The following MBNL2 variants were observed in gnomAD, a reference collection of about 807,000 sequenced individuals.
The protein encoded by MBNL2 is muscleblind-like protein 2.
A neutral mutation model predicts 41.9 loss-of-function variants in MBNL2; 17 were observed. The ratio of observed to expected loss-of-function variants is 0.41; its 90% CI spans 0.28 to 0.61. The LOEUF is 0.61. MBNL2 is among the 20% of genes least tolerant of loss of function. The probability of loss-of-function intolerance (pLI) is 0.35; values close to 1 mark genes in which losing one functional copy is unlikely to be tolerated. For missense variants in MBNL2, 336 were observed against 505.6 expected (o/e 0.66, Z 3.22); for synonymous variants, 195 against 182.9 (o/e 1.07, Z -0.53).
intron 2 of MBNL2, among the ~76,000 whole-genome samples, chr13:97,287,918 G>GTTTTTTTTTTTTTTTTTTTTT (rs11423615): frequency 8.0e-6 from 1 of 124,628 alleles, no homozygotes; most frequent in African/African-American, 3.5e-5. Flanking sequence ...CTAATTTTCT[G>GTTTTTTTTTTTTTTTTTTTTT]TTTTTTTTTT....
At position 97,334,148 on chromosome 13, in the gene MBNL2, C is replaced by CCACACACACACACACA. The variant is rs34820289; in HGVS notation, c.175-115_175-100dup. 58 of 547,416 alleles carry CCACACACACACACACA rather than the reference C, an allele frequency of 1.1e-4. No individual in the cohort carries two copies. The highest frequency in any genetic ancestry group is 4.4e-4 in the African/African-American group (22 of 49,660). The allele number at this position is 547,416 out of a possible 1,614,324, so 33.9% of individuals were successfully genotyped here. On this transcript the variant is annotated intron_variant, in intron 2 of 8. Coordinates refer to ENST00000679496, the MANE Select transcript of MBNL2 (RefSeq NM_001382683.1). This position sits in a 1 kb window ranked among gnomAD's most constrained non-coding sequence, Gnocchi z 5.3. ...AACACATGAGCATGCGCGCGCACAC[C>CCACACACACACACACA]CACACACACACACACACACACACAC...
At chr13:97,259,811 A>G (rs1385585138) in intron 1 of MBNL2, among the ~76,000 whole-genome samples, 2 of 152,194 alleles carry the variant, frequency 1.3e-5, no homozygotes, top group African/African-American at 4.8e-5. Context: ...AAAGATTTCA[A>G]ATCCCATCGA....
rs1337637546 is a variant in MBNL2, at chr13:97,321,275, G to C, written c.175-13001G>C. Among the ~76,000 whole-genome samples, 39 of 152,186 alleles carry C rather than the reference G, an allele frequency of 2.6e-4. 1 individual carries two copies. Among genetic ancestry groups the C allele is most frequent in the Admixed American group, 2.5e-3 (38 of 15,274 alleles). On this transcript the variant is annotated intron_variant, in intron 2 of 8. Coordinates refer to ENST00000679496, the MANE Select transcript of MBNL2 (RefSeq NM_001382683.1). ...AGCCAATCAGAGTGCACCACAGCTA[G>C]TCCCGGAAACCCCCTGCTGTGTGGG...
the MBNL2 span, among the ~76,000 whole-genome samples, chr13:97,157,917 G>C: frequency 6.6e-6 from 1 of 151,108 alleles, no homozygotes; most frequent in Admixed American, 6.6e-5. Context: ...CATAAAATGA[G>C]TTAGGGAGGA....
chr13:97,344,700 G>T (rs2061697727), intron 4 of MBNL2, among the ~76,000 whole-genome samples: 1 of 152,198 alleles, frequency 6.6e-6, no homozygotes, highest in Non-Finnish European at 1.5e-5. Flanking sequence ...CCTTTCACAG[G>T]ACTGGAAAAG....
intron 1 of MBNL2, among the ~76,000 whole-genome samples, chr13:97,236,058 C>G (rs2043218512): frequency 6.6e-6 from 1 of 152,122 alleles, no homozygotes; most frequent in African/African-American, 2.4e-5. Flanking sequence ...CTTCCTTGCT[C>G]AAAATGGCAT....
intron 1 of MBNL2, among the ~76,000 whole-genome samples, chr13:97,275,219 T>C (rs2051952863): frequency 6.6e-6 from 1 of 152,190 alleles, no homozygotes; most frequent in African/African-American, 2.4e-5. Flanking sequence ...TCATTCAAAA[T>C]GACAATATCT....
chr13:97,209,756 T>C, the MBNL2 span, among the ~76,000 whole-genome samples: 1 of 152,196 alleles, frequency 6.6e-6, no homozygotes, highest in African/African-American at 2.4e-5. Flanking sequence ...ATTGTCAATA[T>C]TAAAAAGTTC....
intron 2 of MBNL2, among the ~76,000 whole-genome samples, chr13:97,304,033 T>C (rs2057891749): frequency 6.6e-6 from 1 of 152,184 alleles, no homozygotes; most frequent in African/African-American, 2.4e-5. Flanking sequence ...CTCCCAAAAC[T>C]TCTAGCCCAC....
intron 3 of MBNL2, among the ~76,000 whole-genome samples, chr13:97,338,858 G>A (rs911605257): frequency 2.0e-5 from 3 of 152,154 alleles, no homozygotes; most frequent in Non-Finnish European, 4.4e-5. Flanking sequence ...TAAAGCAGAC[G>A]CATTCTAAAC....
chr13:97,279,571 CCT>C (rs2052923862), intron 2 of MBNL2, among the ~76,000 whole-genome samples: 1 of 152,144 alleles, frequency 6.6e-6, no homozygotes, highest in Non-Finnish European at 1.5e-5. Flanking sequence ...AATGATAGTA[CCT>C]CAATTATACA....
chr13:97,266,613 C>T (rs958065558), intron 1 of MBNL2, among the ~76,000 whole-genome samples: 2 of 152,222 alleles, frequency 1.3e-5, no homozygotes, highest in Non-Finnish European at 2.9e-5. Flanking sequence ...GCCAAGTCAT[C>T]GATCAACAGA....
intron 2 of MBNL2, among the ~76,000 whole-genome samples, chr13:97,278,329 T>C (rs2052628538): frequency 6.7e-6 from 1 of 148,312 alleles, no homozygotes. Context: ...TGAAAACAGG[T>C]CAGTGATGAT....
At chr13:97,188,010 T>C in the MBNL2 span, among the ~76,000 whole-genome samples, 1 of 152,182 alleles carries the variant, frequency 6.6e-6, no homozygotes, top group Non-Finnish European at 1.5e-5. Flanking sequence ...CTGGGAAATA[T>C]TTTGTTTCTC....
chr13:97,161,146 A>G, the MBNL2 span, among the ~76,000 whole-genome samples: 5 of 152,142 alleles, frequency 3.3e-5, no homozygotes, highest in Non-Finnish European at 7.3e-5. Context: ...AGGTCTGAAA[A>G]GCACTGGTTT....
the MBNL2 span, among the ~76,000 whole-genome samples, chr13:97,171,285 A>G: frequency 1.3e-5 from 2 of 152,226 alleles, no homozygotes; most frequent in Non-Finnish European, 2.9e-5. Context: ...TTAAGGAAAC[A>G]TAACTATAGA....
chr13:97,352,847 T>A (rs2062626062), intron 5 of MBNL2, among the ~76,000 whole-genome samples: 1 of 152,236 alleles, frequency 6.6e-6, no homozygotes, highest in Admixed American at 6.5e-5. Flanking sequence ...CCTGATTTCA[T>A]CTGCCTGTTT....
At chr13:97,384,173 T>C (rs1277227534) in intron 8 of MBNL2, among the ~76,000 whole-genome samples, 2 of 152,186 alleles carry the variant, frequency 1.3e-5, no homozygotes, top group Non-Finnish European at 2.9e-5. Context: ...AGTGCTGGGA[T>C]TACAAGCATG....
chr13:97,254,472 A>G (rs964835303), intron 1 of MBNL2, among the ~76,000 whole-genome samples: 4 of 152,204 alleles, frequency 2.6e-5, no homozygotes, highest in African/African-American at 9.7e-5. Flanking sequence ...GAAAGTTTCA[A>G]TTTAAACAAA....
Sources: gnomAD v4.1 joint callset for allele counts (sites outside exome capture counted in the v4.1 genomes callset) on GRCh38, gnomAD v4.1.1 for gene constraint, Gnocchi (gnomAD v3.1) non-coding constraint, MANE v1.5 for transcripts, NCBI Gene and HGNC (gene_info 2026-07-23, HGNC 2026-07-21) for gene names.